CCDC88A: variants seen among roughly 807,000 people sequenced by gnomAD.
CCDC88A encodes girdin.
A neutral mutation model predicts 234.3 loss-of-function variants in CCDC88A; 54 were observed. That is an observed-to-expected ratio of 0.23 (90% confidence interval 0.19 to 0.29). The LOEUF (loss-of-function observed/expected upper bound fraction) is 0.29, where lower values mean the gene tolerates loss of function less well. CCDC88A is among the 10% of genes least tolerant of loss of function. CCDC88A has a pLI of 1.00. For missense variants in CCDC88A, 1,832 were observed against 2,123.4 expected (o/e 0.86, Z 2.70); for synonymous variants, 753 against 737.8 (o/e 1.02, Z -0.33).
intron 2 of CCDC88A, among the ~76,000 whole-genome samples, chr2:55,411,779 CAA>C (rs778872176): frequency 3.9e-3 from 92 of 23,302 alleles, no homozygotes; most frequent in African/African-American, 0.012. Context: ...GACTCCGTCT[CAA>C]AAAAAAAAAA....
chr2:55,376,979 CA>C (rs925228063), intron 3 of CCDC88A, among the ~76,000 whole-genome samples: 19 of 152,140 alleles, frequency 1.2e-4, no homozygotes, highest in Middle Eastern at 3.4e-3. Context: ...TACAGGCGCC[CA>C]CCACCATGCC....
chr2:55,401,255 C>T (rs1454744576), intron 2 of CCDC88A, among the ~76,000 whole-genome samples: 1 of 150,864 alleles, frequency 6.6e-6, no homozygotes, highest in African/African-American at 2.4e-5. Context: ...CACAGCAAGA[C>T]TCCTTGTCTA....
rs2104620172 is a variant in CCDC88A at position 55,316,021 on chromosome 2, C to T, written c.3840G>A (p.Leu1280=). 1 of 1,586,922 alleles carries T rather than the reference C, an allele frequency of 6.3e-7. No homozygotes were observed. Among genetic ancestry groups the T allele is most frequent in the Non-Finnish European group, 8.6e-7 (1 of 1,164,592 alleles). Residue 1280 remains leucine (L), a synonymous_variant, in exon 22 of 33, where the codon CTG becomes CTA. Coordinates refer to ENST00000436346, the MANE Select transcript of CCDC88A (RefSeq NM_001365480.1). The part of the protein sequence containing the change: ...NLKSLLNNSK[L]EQTRLEAEFS... ...ATTCAGCTTCTAATCTTGTTTGTTC[C>T]AGTTTGGAATTATTCAGAAGACTTT...
At chr2:55,367,247 A>G (rs574010047) in intron 5 of CCDC88A, among the ~76,000 whole-genome samples, 1 of 152,290 alleles carries the variant, frequency 6.6e-6, no homozygotes, top group South Asian at 2.1e-4. Flanking sequence ...GAGGTCTGGT[A>G]ACAAAGGGAG....
At chr2:55,347,747 G>C (rs1197825043) in intron 9 of CCDC88A, among the ~76,000 whole-genome samples, 1 of 151,410 alleles carries the variant, frequency 6.6e-6, no homozygotes, top group Non-Finnish European at 1.5e-5. Flanking sequence ...AAGTAGCTGG[G>C]ATTACAGGTG....
chr2:55,317,393 G>A lies in CCDC88A; in HGVS notation c.3603-44C>T. The A allele has an allele frequency of 7.4e-7, 1 of 1,350,714 alleles. No homozygotes were observed. The highest frequency in any genetic ancestry group is 9.8e-7 in the Non-Finnish European group (1 of 1,020,374). 83.7% of individuals were successfully genotyped at this position (1,350,714 alleles called of 1,614,324 possible). On this transcript the variant is annotated intron_variant, in intron 20 of 32. Transcript: ENST00000436346. This position sits in a 1 kb window ranked among gnomAD's most constrained non-coding sequence, Gnocchi z 4.2. ...TTTGGTTTATAATATTTACAAAAAA[G>A]AAATTTTAGAAATGAAGGAAATGAG...
intron 2 of CCDC88A, among the ~76,000 whole-genome samples, chr2:55,415,427 T>G (rs11904203): frequency 0.049 from 7,435 of 152,224 alleles, 309 homozygotes; most frequent in African/African-American, 0.12. Flanking sequence ...TTTCAAGACA[T>G]TGGACATCAG....
At chr2:55,344,294 A>T (rs1258622302) in intron 11 of CCDC88A, 74 bp downstream of exon 11, 1 of 1,093,308 alleles carries the variant, frequency 9.1e-7, no homozygotes, top group Non-Finnish European at 1.3e-6. Flanking sequence ...CATCCTTGCC[A>T]ATACAGGGAA....
chr2:55,294,209 T>TA (rs941290942), intron 31 of CCDC88A: 1 of 891,388 alleles, frequency 1.1e-6, no homozygotes, highest in Non-Finnish European at 1.3e-6. Context: ...TGACTCTCTA[T>TA]AAAAAAAGAA....
chr2:55,350,669 A>G (rs1297710444), intron 8 of CCDC88A: 1 of 151,014 alleles, frequency 6.6e-6, no homozygotes, highest in Non-Finnish European at 1.5e-5. Flanking sequence ...ATGTATGTAT[A>G]TATTTTAAGA....
chr2:55,409,738 C>CTTT lies in CCDC88A; in HGVS notation c.164+9075_164+9077dup, dbSNP rs61703330. 1.6e-4 allele frequency among the ~76,000 whole-genome samples: 18 copies of CTTT among 111,732 alleles called. 2 individuals are homozygous for CTTT. Among genetic ancestry groups the CTTT allele is most frequent in the Non-Finnish European group, 2.4e-4 (14 of 58,910 alleles). The allele number at this position is 111,732 out of a possible 152,430, so 73.3% of individuals were successfully genotyped here. The stretch of plus-strand genomic sequence containing the variant: ...CAGGGGGATGTGCCTATATACCTCC[C>CTTT]TTTTTTTTTTTTTTTTTTTTTTCAG... On this transcript the variant is annotated intron_variant, in intron 2 of 32. Transcript: ENST00000436346.
chr2:55,347,004 T>A (rs1012194697), intron 9 of CCDC88A, among the ~76,000 whole-genome samples: 1 of 152,134 alleles, frequency 6.6e-6, no homozygotes, highest in African/African-American at 2.4e-5. Flanking sequence ...GTAACAACCA[T>A]TTGCAATTAA....
intron 25 of CCDC88A, among the ~76,000 whole-genome samples, chr2:55,307,159 T>C (rs144723534): frequency 9.2e-5 from 14 of 152,320 alleles, no homozygotes; most frequent in African/African-American, 3.4e-4. Context: ...AGTAGTCAAC[T>C]TCTTAGACAT....
At position 55,317,634 on chromosome 2, in the gene CCDC88A, T is replaced by G. The variant is rs1188997374; in HGVS notation, c.3532A>C (p.Ile1178Leu). The G allele has an allele frequency of 1.9e-6, 3 of 1,611,304 alleles. No individual in the cohort carries two copies. The highest frequency in any genetic ancestry group is 2.5e-6 in the Non-Finnish European group (3 of 1,178,034). The change falls in exon 20 of 33, where the codon ATC (isoleucine) becomes CTC (leucine). Residue 1178 changes from isoleucine to leucine, a missense_variant. Physicochemically the swap from Ile to Leu is conservative, Grantham distance 5. Coordinates refer to ENST00000436346, the MANE Select transcript of CCDC88A (RefSeq NM_001365480.1). This position sits in a 1 kb window ranked among gnomAD's most constrained non-coding sequence, Gnocchi z 4.2. The part of the protein sequence containing the change: ...ERQASEYESL[I>L]SKHGTLKSAH... ...GACTTCAGAGTTCCATGTTTAGAGATAAGAGATTCATACTCTGAAGCCTGA... is the reference window on the plus strand; with the variant it reads ...GACTTCAGAGTTCCATGTTTAGAGAGAAGAGATTCATACTCTGAAGCCTGA...
At position 55,328,748 on chromosome 2, in the gene CCDC88A, GTTT is replaced by G. The variant is rs1684559356; in HGVS notation, c.2856-316_2856-314del. On this transcript the variant is annotated intron_variant, in intron 16 of 32. Coordinates refer to ENST00000436346, the MANE Select transcript of CCDC88A (RefSeq NM_001365480.1). This position sits in a 1 kb window ranked among gnomAD's most constrained non-coding sequence, Gnocchi z 4.3. ...CCTTTTTATTAATGAAGACTCCTTT[GTTT>G]TGTTTTGTTTTGTTTTGTTTTGTTT... 2.1e-5 allele frequency: 1 copy of G among 47,932 alleles called. No homozygotes were observed. Among genetic ancestry groups the G allele is most frequent in the Admixed American group, 1.6e-4 (1 of 6,224 alleles). 3.0% of individuals were successfully genotyped at this position (47,932 alleles called of 1,614,324 possible).
intron 8 of CCDC88A, among the ~76,000 whole-genome samples, chr2:55,352,926 G>C (rs548532218): frequency 6.6e-6 from 1 of 152,140 alleles, no homozygotes; most frequent in African/African-American, 2.4e-5. Flanking sequence ...ATTCACTTTA[G>C]TAGAGATCTG....
At position 55,324,672 on chromosome 2, in the gene CCDC88A, G is replaced by A. The variant is rs531867726; in HGVS notation, c.2998-1980C>T. ...CTTTTTCTTTTTTTTTTGAGATGGA[G>A]TCTCGCTCTGTCGCCCAGGCTGGAG... is the stretch of plus-strand genomic sequence containing the variant. On this transcript the variant is annotated intron_variant, in intron 17 of 32. Transcript: ENST00000436346. Among the ~76,000 whole-genome samples the A allele has an allele frequency of 8.6e-5, 13 of 151,678 alleles. 1 individual carries two copies. In the South Asian group the frequency reaches 2.7e-3, roughly 32 times the overall value.
chr2:55,357,164 T>C (rs1243896425), intron 7 of CCDC88A, among the ~76,000 whole-genome samples: 1 of 152,196 alleles, frequency 6.6e-6, no homozygotes, highest in African/African-American at 2.4e-5. Context: ...GCACAGTGAT[T>C]GATTTCTCCA....
At chr2:55,327,792 C>T (rs565297895) in intron 17 of CCDC88A, among the ~76,000 whole-genome samples, 2 of 152,330 alleles carry the variant, frequency 1.3e-5, no homozygotes, top group Non-Finnish European at 2.9e-5. Flanking sequence ...TTGCCTCTGC[C>T]TTGCTTACTT....
Sources: gnomAD v4.1 joint callset for allele counts (sites outside exome capture counted in the v4.1 genomes callset) on GRCh38, gnomAD v4.1.1 for gene constraint, Gnocchi (gnomAD v3.1) non-coding constraint, MANE v1.5 for transcripts, NCBI Gene and HGNC (gene_info 2026-07-23, HGNC 2026-07-21) for gene names.